Variants in PCM1 observed in about 807,000 individuals in gnomAD.
PCM1 encodes the protein pericentriolar material 1 protein.
Under a neutral mutation model 241.9 loss-of-function variants are expected in PCM1, and 157 were observed. The ratio of observed to expected loss-of-function variants is 0.65; its 90% CI spans 0.57 to 0.74. The LOEUF is 0.74. Among genes scored for constraint, PCM1 ranks in the 30% least tolerant of loss-of-function variants. The pLI, the probability that PCM1 is intolerant of heterozygous loss-of-function variation, is 0.00. For missense variants in PCM1, 3,478 were observed against 2,360.1 expected, an observed-to-expected ratio of 1.47 and a Z score of -9.81; for synonymous variants, 1,085 against 784.9, an observed-to-expected ratio of 1.38 and a Z score of -6.39.
chr8:18,007,194 A>G (rs372305883), intron 30 of PCM1, among the ~76,000 whole-genome samples: 1 of 152,112 alleles, frequency 6.6e-6, no homozygotes, highest in African/African-American at 2.4e-5. Context: ...TAGGTGATAC[A>G]TTTTTCTTCT....
In PCM1 at chr8:18,001,995, C is replaced by CTTTTTTTT. The variant is rs1166401113; in HGVS notation, c.4828-4235_4828-4228dup. Among the ~76,000 whole-genome samples the CTTTTTTTT allele has an allele frequency of 7.3e-4, 17 of 23,402 alleles. 1 individual carries two copies. Among genetic ancestry groups the CTTTTTTTT allele is most frequent in the East Asian group, 1.0e-3 (1 of 1,002 alleles). The allele number at this position is 23,402 out of a possible 152,430, so 15.4% of individuals were successfully genotyped here. On this transcript the variant is annotated intron_variant, in intron 29 of 38. Coordinates refer to ENST00000325083, the MANE Select transcript of PCM1 (RefSeq NM_006197.4). ...CCTTTTGCCGCTGCTTCTAACCTTT[C>CTTTTTTTT]TTTTTTTTTTTTTTTTTTTTTTTTT...
chr8:17,947,454 C>T, intron 7 of PCM1, 91 bp downstream of exon 7: 4 of 916,890 alleles, frequency 4.4e-6, no homozygotes, highest in Non-Finnish European at 6.6e-6. Context: ...ATAATCAGAT[C>T]TTGATTGTTG....
chr8:18,027,126 C>A (rs2094290308), intron 38 of PCM1, among the ~76,000 whole-genome samples: 1 of 152,064 alleles, frequency 6.6e-6, no homozygotes, highest in African/African-American at 2.4e-5. Context: ...TTTGTTTTTC[C>A]TGGAAATGGA....
At chr8:18,010,551 T>C in intron 31 of PCM1, 58 bp from the exon 32 acceptor site, 1 of 1,293,956 alleles carries the variant, frequency 7.7e-7, no homozygotes, top group South Asian at 1.3e-5. Flanking sequence ...ACATGAGAAA[T>C]GCTAAATTAT....
chr8:17,930,397 C>G (rs560398330), intron 2 of PCM1, among the ~76,000 whole-genome samples: 2 of 152,062 alleles, frequency 1.3e-5, no homozygotes, highest in East Asian at 3.9e-4. Context: ...GCCACTGCGC[C>G]TGACCGTTAC....
chr8:17,985,808 T>C, intron 25 of PCM1, 151 bp from the exon 26 acceptor site: 1 of 711,830 alleles, frequency 1.4e-6, no homozygotes, highest in Middle Eastern at 3.9e-4. Context: ...GAGTACTTTT[T>C]CAGTGTTTTG....
At chr8:17,957,497 TC>T in intron 12 of PCM1, 42 bp from the exon 13 acceptor site, 1 of 1,606,386 alleles carries the variant, frequency 6.2e-7, no homozygotes, top group South Asian at 1.1e-5. Context: ...GTGTGCTCTT[TC>T]CTTTAAAAGT....
intron 38 of PCM1, among the ~76,000 whole-genome samples, chr8:18,027,003 A>T (rs188302874): frequency 4.6e-5 from 7 of 152,316 alleles, no homozygotes; most frequent in African/African-American, 9.6e-5. Context: ...TATGAGTCTA[A>T]TAACACAGCT....
rs559035913 is a variant in PCM1, at chr8:17,945,021, G to C, written c.784-2165G>C. 8.0e-4 allele frequency among the ~76,000 whole-genome samples: 122 copies of C among 152,182 alleles called. 1 individual carries two copies. The highest frequency in any genetic ancestry group is 2.8e-3 in the African/African-American group (116 of 41,548). ...CCTAATTATAATTTATGCTTTGCTA[G>C]AGGAGTATTTGATCAACCTAGAGAG... is the stretch of plus-strand genomic sequence containing the variant. On this transcript the variant is annotated intron_variant, in intron 6 of 38. Coordinates refer to ENST00000325083, the MANE Select transcript of PCM1 (RefSeq NM_006197.4).
intron 36 of PCM1, among the ~76,000 whole-genome samples, chr8:18,019,397 G>A (rs575800355): frequency 5.9e-5 from 9 of 152,132 alleles, no homozygotes; most frequent in African/African-American, 2.2e-4. Flanking sequence ...GGGGTAAGGG[G>A]GATGGTTTCA....
chr8:17,931,772 T>C (rs1237256106), intron 2 of PCM1, among the ~76,000 whole-genome samples: 2 of 152,188 alleles, frequency 1.3e-5, no homozygotes, highest in Non-Finnish European at 2.9e-5. Flanking sequence ...TTACAAATTA[T>C]GTCAGTATAT....
At position 18,011,276 on chromosome 8, in the gene PCM1, T is replaced by G. The variant is rs761385990; in HGVS notation, c.5260T>G (p.Ser1754Ala). Residue 1754 changes from serine to alanine, a missense_variant, in exon 33 of 39, where the codon TCT (serine) becomes GCT (alanine). Physicochemically the swap from Ser to Ala is moderately conservative, Grantham distance 99. Coordinates refer to ENST00000325083, the MANE Select transcript of PCM1 (RefSeq NM_006197.4). The part of the protein sequence containing the change: ...ETETVKQTQT[S>A]EVYDGPKNVR... The stretch of plus-strand genomic sequence containing the variant: ...TGAAACAGTTAAGCAGACTCAAACA[T>G]CTGAGGTGTATGATGGTCCCAAAAA... 6.8e-6 allele frequency: 11 copies of G among 1,606,700 alleles called. No individual in the cohort carries two copies. The East Asian group carries it at 2.5e-4, about 36-fold the overall frequency.
At position 17,998,413 on chromosome 8, in the gene PCM1, T is replaced by C. The variant is rs114943982; in HGVS notation, c.4827+4794T>C. Among the ~76,000 whole-genome samples, 901 of 152,324 alleles carry C rather than the reference T, an allele frequency of 5.9e-3. 9 individuals are homozygous for C. Among genetic ancestry groups the C allele is most frequent in the African/African-American group, 0.021 (865 of 41,570 alleles). ...AAACACTGTGCTTTTTGCAGACTCA[T>C]AGCGGTATACCACTTTGGTGATTTT... On this transcript the variant is annotated intron_variant, in intron 29 of 38. Transcript: ENST00000325083.
rs772852962 is a variant in PCM1, at chr8:17,962,146, C to G, written c.2435C>G (p.Pro812Arg). ...ETSTSKSVFEPEDSSIVDNEL... is the reference protein window; with the variant it reads ...ETSTSKSVFEREDSSIVDNEL... ...AGTACAAGCAAATCTGTTTTTGAGC[C>G]TGAAGATTCTTCAATAGTAGATAAT... The change falls in exon 16 of 39, where the codon CCT becomes CGT. Residue 812 changes from proline (P) to arginine (R), a missense_variant. Pro to Arg is a moderately radical substitution (Grantham distance 103). Coordinates refer to ENST00000325083, the MANE Select transcript of PCM1 (RefSeq NM_006197.4). 27 of 1,608,066 alleles carry G rather than the reference C, an allele frequency of 1.7e-5. No homozygotes were observed. The East Asian group carries it at 4.2e-4, about 25-fold the overall frequency.
chr8:17,949,970 CACAA>C (rs2065389977), intron 7 of PCM1, among the ~76,000 whole-genome samples: 2 of 152,026 alleles, frequency 1.3e-5, no homozygotes, highest in African/African-American at 4.8e-5. Flanking sequence ...TGACTTGTAT[CACAA>C]ACAGCCACTT....
rs753915158 is a variant in PCM1, at chr8:17,960,390, G to C, written c.2268G>C (p.Leu756=). ...AATTGCAGGAAGAAAGAAAGAAACT[G>C]ATTGACATTCAGGAGAAAATTCAAG... ...LKQLQEERKK[L]IDIQEKIQAL... is the part of the protein sequence containing the mutation. Residue 756 remains leucine, a synonymous_variant, in exon 15 of 39, where the codon CTG becomes CTC. Coordinates refer to ENST00000325083, the MANE Select transcript of PCM1 (RefSeq NM_006197.4). 15 of 1,607,892 alleles carry C rather than the reference G, an allele frequency of 9.3e-6. 1 individual carries two copies. In the South Asian group the frequency reaches 1.7e-4, roughly 18 times the overall value.
intron 23 of PCM1, among the ~76,000 whole-genome samples, chr8:17,973,639 C>G (rs558843687): frequency 6.6e-6 from 1 of 151,754 alleles, no homozygotes; most frequent in African/African-American, 2.4e-5. Context: ...ATCGCTTGAA[C>G]CTGGGAGGCA....
At chr8:17,983,205 T>G (rs2081509948) in intron 24 of PCM1, 6 of 1,262,006 alleles carry the variant, frequency 4.8e-6, no homozygotes, top group Non-Finnish European at 6.3e-6. Context: ...CATTTTATGT[T>G]CATCCTTATG....
chr8:18,005,871 G>C (rs1363605482), intron 29 of PCM1, among the ~76,000 whole-genome samples: 1 of 152,140 alleles, frequency 6.6e-6, no homozygotes, highest in East Asian at 1.9e-4. Flanking sequence ...GAAAATAATA[G>C]GGAATTGGGT....
Sources: allele counts gnomAD v4.1 joint callset (sites outside exome capture counted in the v4.1 genomes callset), GRCh38; gene constraint gnomAD v4.1.1; transcripts MANE v1.5; gene names NCBI Gene and HGNC (gene_info 2026-07-23, HGNC 2026-07-21).